The following TSC1 variants were observed in gnomAD, a reference collection of about 807,000 sequenced individuals.
TSC1 encodes the protein TSC complex subunit 1, also known as hamartin.
Under a neutral mutation model 124.3 loss-of-function variants are expected in TSC1, and 20 were observed. The ratio of observed to expected loss-of-function variants is 0.16; its 90% CI spans 0.11 to 0.23. The LOEUF (loss-of-function observed/expected upper bound fraction) is 0.23. Ranked by LOEUF, TSC1 falls within the 10% of genes least tolerant of loss-of-function variation. The probability of loss-of-function intolerance (pLI) is 1.00; values close to 1 mark genes in which losing one functional copy is unlikely to be tolerated. For synonymous variants in TSC1, 493 were observed against 539.1 expected (o/e 0.91, Z 1.19); for missense variants, 1,124 against 1,448.5 (o/e 0.78, Z 3.64).
chr9:132,936,207 T>C (rs1847450049), intron 1 of TSC1, among the ~76,000 whole-genome samples: 1 of 152,168 alleles, frequency 6.6e-6, no homozygotes, highest in African/African-American at 2.4e-5. Flanking sequence ...CTCAAACTCC[T>C]AGGCTCAAGT....
intron 20 of TSC1, 60 bp from the exon 21 acceptor site, chr9:132,897,670 T>A (rs1359861352): frequency 1.3e-6 from 2 of 1,558,582 alleles, no homozygotes; most frequent in African/African-American, 2.8e-5. Context: ...ACATGCTGTA[T>A]CCATTTTGAA....
chr9:132,914,509 C>G (rs1376240261), intron 8 of TSC1, among the ~76,000 whole-genome samples: 1 of 151,964 alleles, frequency 6.6e-6, no homozygotes, highest in African/African-American at 2.4e-5. Flanking sequence ...CAAAACTTAG[C>G]AAAATTGATT....
chr9:132,938,769 T>C (rs993359298), intron 1 of TSC1, among the ~76,000 whole-genome samples: 4 of 152,218 alleles, frequency 2.6e-5, no homozygotes, highest in African/African-American at 7.2e-5. Context: ...AAAATACTAG[T>C]GGCAGATACC....
intron 8 of TSC1, among the ~76,000 whole-genome samples, chr9:132,919,575 C>A (rs1846438874): frequency 6.6e-6 from 1 of 152,162 alleles, no homozygotes; most frequent in African/African-American, 2.4e-5. Context: ...CGACTCTCAA[C>A]CTGTAAGTCT....
At position 132,903,464 on chromosome 9, in the gene TSC1, C is replaced by T. The variant is rs1033832286; in HGVS notation, c.2208+187G>A. The stretch of plus-strand genomic sequence containing the variant: ...ACACACACAAAATCACTTGTCCCCA[C>T]GGTTTCTGAGAATTATGAGGGAATT... On this transcript the variant is annotated intron_variant, in intron 17 of 22. Transcript: ENST00000298552. The surrounding 1 kb of genome is among the most constrained non-coding windows in gnomAD (Gnocchi z 5.9). 1.1e-4 allele frequency among the ~76,000 whole-genome samples: 16 copies of T among 152,236 alleles called. No homozygotes were observed. The highest frequency in any genetic ancestry group is 1.6e-4 in the Non-Finnish European group (11 of 68,044).
chr9:132,925,554 A>C, intron 5 of TSC1, 33 bp downstream of exon 5: 1 of 1,613,876 alleles, frequency 6.2e-7, no homozygotes, highest in Non-Finnish European at 8.5e-7. Context: ...TACTCATAAA[A>C]CCATTTCATT....
intron 15 of TSC1, among the ~76,000 whole-genome samples, 178 bp from the exon 16 acceptor site, chr9:132,904,632 A>G (rs1271709355): frequency 4.0e-5 from 6 of 151,696 alleles, no homozygotes; most frequent in Non-Finnish European, 7.4e-5. Flanking sequence ...ACTGGACACA[A>G]TGGGAGGCGG....
In TSC1 at chr9:132,896,381, G is replaced by A; in HGVS notation, c.3349C>T (p.Leu1117=). 6.2e-7 allele frequency: 1 copy of A among 1,614,188 alleles called. No homozygotes were observed. The highest frequency in any genetic ancestry group is 8.5e-7 in the Non-Finnish European group (1 of 1,180,038). Residue 1117 remains leucine (L), a synonymous_variant, in exon 23 of 23, where the codon CTA becomes TTA. Coordinates refer to ENST00000298552, the MANE Select transcript of TSC1 (RefSeq NM_000368.5). The surrounding 1 kb of genome is among the most constrained non-coding windows in gnomAD (Gnocchi z 4.5). Reference sequence around the variant, plus strand: ...AAGTCTTTGCCCAGTTCTGTCTTTAGGCTCTCAGAAAGGCTACTGGTCATG... The same window carrying A: ...AAGTCTTTGCCCAGTTCTGTCTTTAAGCTCTCAGAAAGGCTACTGGTCATG... The part of the protein sequence containing the change: ...DGMTSSLSES[L]KTELGKDLGV...
intron 2 of TSC1, among the ~76,000 whole-genome samples, chr9:132,933,090 G>C (rs1366054718): frequency 1.3e-5 from 2 of 152,198 alleles, no homozygotes; most frequent in Admixed American, 6.5e-5. Flanking sequence ...AATTGAGACA[G>C]AGTCTCGCTC....
At chr9:132,940,716 A>G (rs996009129) in intron 1 of TSC1, 6 of 152,200 alleles carry the variant, frequency 3.9e-5, no homozygotes, top group African/African-American at 1.4e-4. Flanking sequence ...GTAAAATACC[A>G]CAGTGTTTGG....
At chr9:132,932,430 G>A (rs527649494) in intron 2 of TSC1, among the ~76,000 whole-genome samples, 6 of 152,248 alleles carry the variant, frequency 3.9e-5, no homozygotes, top group African/African-American at 1.2e-4. Flanking sequence ...GGGAGCAGCA[G>A]CCCCCCTCAC....
intron 4 of TSC1, 94 bp downstream of exon 4, chr9:132,927,107 G>T: frequency 8.1e-7 from 1 of 1,238,252 alleles, no homozygotes; most frequent in Non-Finnish European, 1.2e-6. Flanking sequence ...GAAATCAAAA[G>T]AATAAGCTCA....
At position 132,910,404 on chromosome 9, in the gene TSC1, A is replaced by G. The variant is rs1845885886; in HGVS notation, c.1263+167T>C. 5 of 1,298,572 alleles carry G rather than the reference A, an allele frequency of 3.9e-6. No homozygotes were observed. In the South Asian group the frequency reaches 6.3e-5, roughly 16 times the overall value. The allele number at this position is 1,298,572 out of a possible 1,614,324, so 80.4% of individuals were successfully genotyped here. On this transcript the variant is annotated intron_variant, in intron 12 of 22. Coordinates refer to ENST00000298552, the MANE Select transcript of TSC1 (RefSeq NM_000368.5). ...GTTTTGGAACCACCCAGGGGTCGGC[A>G]GATCACACCTTGAGAGCAGCTTGTT...
intron 2 of TSC1, chr9:132,934,680 T>C (rs1847366531): frequency 5.4e-6 from 1 of 184,088 alleles, no homozygotes; most frequent in South Asian, 2.0e-4. Flanking sequence ...AATGAAGTGG[T>C]CACAACCAAA....
rs900857437 is a variant in TSC1, at chr9:132,922,302, A to G, written c.509-329T>C. ...CCAAACATTCTCACAATACTGAACT[A>G]TCTTTATGATGATAGCTCTCTGTAA... On this transcript the variant is annotated intron_variant, in intron 6 of 22. Transcript: ENST00000298552. Among the ~76,000 whole-genome samples the G allele has an allele frequency of 3.3e-5, 5 of 152,284 alleles. 1 individual carries two copies. The highest frequency in any genetic ancestry group is 1.9e-4 in the East Asian group (1 of 5,176).
chr9:132,897,770 G>C (rs1845166312), intron 20 of TSC1, among the ~76,000 whole-genome samples, 160 bp from the exon 21 acceptor site: 1 of 152,138 alleles, frequency 6.6e-6, no homozygotes, highest in Non-Finnish European at 1.5e-5. Flanking sequence ...TAAGCTGGTA[G>C]TATTATCCTA....
In TSC1 at chr9:132,935,112, T is replaced by G; in HGVS notation, c.-143-17A>C. ...TCATGGTCACTGAAGGAAGAAAACA[T>G]ATGTACAATGAAGCAAAATCCCAGA... On this transcript the variant is annotated splice_polypyrimidine_tract_variant and intron_variant, in intron 1 of 22. Coordinates refer to ENST00000298552, the MANE Select transcript of TSC1 (RefSeq NM_000368.5). 5.0e-6 allele frequency: 2 copies of G among 398,976 alleles called. No homozygotes were observed. The highest frequency in any genetic ancestry group is 8.8e-6 in the Non-Finnish European group (2 of 226,008). The allele number at this position is 398,976 out of a possible 1,614,324, so 24.7% of individuals were successfully genotyped here.
At chr9:132,912,824 C>T (rs924015941) in intron 8 of TSC1, 111 of 275,096 alleles carry the variant, frequency 4.0e-4, no homozygotes, top group African/African-American at 2.4e-3. Context: ...CTGGAGACTG[C>T]CAAGCAGCTG....
At chr9:132,916,816 C>T (rs1177653669) in intron 8 of TSC1, among the ~76,000 whole-genome samples, 2 of 152,208 alleles carry the variant, frequency 1.3e-5, no homozygotes, top group Non-Finnish European at 2.9e-5. Flanking sequence ...GGACTGGCTG[C>T]TCTCAGCACT....
Sources: gnomAD v4.1 joint callset for allele counts (sites outside exome capture counted in the v4.1 genomes callset) on GRCh38, gnomAD v4.1.1 for gene constraint, Gnocchi (gnomAD v3.1) non-coding constraint, MANE v1.5 for transcripts, NCBI Gene and HGNC (gene_info 2026-07-23, HGNC 2026-07-21) for gene names.